The following PLXNA4 variants were observed in gnomAD, a reference collection of about 807,000 sequenced individuals.
The protein encoded by PLXNA4 is plexin-A4.
In PLXNA4, 44 loss-of-function variants were observed where a neutral mutation model predicts 191.8. That is an observed-to-expected ratio of 0.23 (90% confidence interval 0.18 to 0.29). The LOEUF (loss-of-function observed/expected upper bound fraction) is 0.29. Ranked by LOEUF, PLXNA4 falls within the 10% of genes least tolerant of loss-of-function variation. PLXNA4 has a pLI of 1.00. For synonymous variants in PLXNA4, 1,082 were observed against 1,009.5 expected (o/e 1.07, Z -1.36); for missense variants, 1,800 against 2,488.8 (o/e 0.72, Z 5.89).
chr7:132,394,215 G>A (rs538300132), intron 3 of PLXNA4, among the ~76,000 whole-genome samples: 48 of 152,238 alleles, frequency 3.2e-4, no homozygotes, highest in African/African-American at 2.9e-4. Flanking sequence ...CCTCTGAAGC[G>A]GGGCCCAGCC....
chr7:132,584,110 C>T (rs1186724767), intron 2 of PLXNA4, among the ~76,000 whole-genome samples: 3 of 152,170 alleles, frequency 2.0e-5, no homozygotes, highest in Non-Finnish European at 2.9e-5. Context: ...CAGGTCAGCC[C>T]AGGCCTGCCC....
intron 1 of PLXNA4, among the ~76,000 whole-genome samples, chr7:132,568,515 T>C (rs1014915646): frequency 6.6e-6 from 1 of 152,170 alleles, no homozygotes; most frequent in Non-Finnish European, 1.5e-5. Flanking sequence ...TGGAAACCAT[T>C]ATCCCAGACT....
chr7:132,180,772 A>C, intron 18 of PLXNA4, 40 bp from the exon 19 acceptor site: 1 of 1,590,588 alleles, frequency 6.3e-7, no homozygotes, highest in East Asian at 2.3e-5. Context: ...CCCCAGAGTG[A>C]GGACCACAGC....
chr7:132,307,391 G>A (rs1481702551), intron 3 of PLXNA4, among the ~76,000 whole-genome samples: 4 of 152,162 alleles, frequency 2.6e-5, no homozygotes, highest in African/African-American at 7.2e-5. Flanking sequence ...TACACACCAC[G>A]GGAGCAGAAA....
intron 2 of PLXNA4, among the ~76,000 whole-genome samples, chr7:132,644,406 A>T (rs988559912): frequency 1.3e-5 from 2 of 152,214 alleles, no homozygotes; most frequent in Admixed American, 1.3e-4. Flanking sequence ...CAAAGCAAAC[A>T]ATAGACTTGG....
intron 1 of PLXNA4, among the ~76,000 whole-genome samples, chr7:132,519,445 G>A (rs555251615): frequency 6.6e-6 from 1 of 152,290 alleles, no homozygotes; most frequent in South Asian, 2.1e-4. Context: ...GACCTGAGTG[G>A]ACCTTGGGAA....
chr7:132,132,177 C>A (rs1011742972), intron 31 of PLXNA4, among the ~76,000 whole-genome samples: 2 of 152,230 alleles, frequency 1.3e-5, no homozygotes, highest in African/African-American at 4.8e-5. Context: ...TGCCCCTGCA[C>A]ATGCCTGTGT....
chr7:132,149,252 A>C (rs1795524572), intron 25 of PLXNA4, among the ~76,000 whole-genome samples: 1 of 152,192 alleles, frequency 6.6e-6, no homozygotes, highest in Admixed American at 6.5e-5. Context: ...AAATGATATC[A>C]ACGTTGTAAT....
intron 3 of PLXNA4, among the ~76,000 whole-genome samples, chr7:132,342,148 C>T (rs1156984728): frequency 6.6e-6 from 1 of 151,380 alleles, no homozygotes; most frequent in Admixed American, 6.6e-5. Context: ...ACTATTCTTC[C>T]TTCCCACAAC....
intron 3 of PLXNA4, among the ~76,000 whole-genome samples, chr7:132,332,016 G>T (rs1802607639): frequency 6.6e-6 from 1 of 152,168 alleles, no homozygotes; most frequent in African/African-American, 2.4e-5. Flanking sequence ...TATCATCTAT[G>T]TAAAATGCAA....
At chr7:132,134,370 C>T (rs1795054000) in intron 30 of PLXNA4, among the ~76,000 whole-genome samples, 2 of 152,212 alleles carry the variant, frequency 1.3e-5, no homozygotes, top group African/African-American at 4.8e-5. Context: ...TGGGTGAAGA[C>T]TGGCAGAGAT....
chr7:132,453,536 C>A (rs377389562), intron 3 of PLXNA4, among the ~76,000 whole-genome samples: 2 of 142,212 alleles, frequency 1.4e-5, no homozygotes, highest in Non-Finnish European at 3.2e-5. Flanking sequence ...GCATCCTTTG[C>A]CCACAGTGAG....
At chr7:132,566,870 G>A (rs748249926) in intron 1 of PLXNA4, among the ~76,000 whole-genome samples, 77 of 152,180 alleles carry the variant, frequency 5.1e-4, no homozygotes, top group Non-Finnish European at 9.8e-4. Context: ...AAGGACAAGA[G>A]GCAGGCGGTG....
chr7:132,329,369 C>T (rs888775682), intron 3 of PLXNA4, among the ~76,000 whole-genome samples: 1 of 152,166 alleles, frequency 6.6e-6, no homozygotes, highest in Admixed American at 6.5e-5. Flanking sequence ...ATTTTTATAT[C>T]TTTATGTGTG....
Position 132,521,262 on chromosome 7 carries a change from G to A in PLXNA4, c.-86-12483C>T, listed in dbSNP as rs184751234. 3.8e-4 allele frequency among the ~76,000 whole-genome samples: 58 copies of A among 151,850 alleles called. 1 individual carries two copies. The East Asian group carries it at 0.011, about 29-fold the overall frequency. On this transcript the variant is annotated intron_variant, in intron 1 of 31. Transcript: ENST00000321063. The stretch of plus-strand genomic sequence containing the variant: ...CACTACTACCTGAGAATATGTAAGG[G>A]GGTAGCAGAATAGAGGATTTTAGGA...
intron 3 of PLXNA4, among the ~76,000 whole-genome samples, chr7:132,375,615 C>A (rs979813431): frequency 1.3e-5 from 2 of 152,096 alleles, no homozygotes; most frequent in Admixed American, 6.6e-5. Flanking sequence ...TGCTAGAGGA[C>A]CCAGTAGCAG....
chr7:132,405,271 C>T (rs1465376771), intron 3 of PLXNA4, among the ~76,000 whole-genome samples: 1 of 152,150 alleles, frequency 6.6e-6, no homozygotes, highest in Non-Finnish European at 1.5e-5. Context: ...AAATGGGCTA[C>T]CGCAATGCCG....
chr7:132,596,904 AT>A (rs1730730951), intron 2 of PLXNA4, among the ~76,000 whole-genome samples: 1 of 150,534 alleles, frequency 6.6e-6, no homozygotes, highest in Non-Finnish European at 1.5e-5. Context: ...TTTTAAAATG[AT>A]TCACCTCCTC....
At chr7:132,454,850 G>A (rs761133994) in intron 3 of PLXNA4, among the ~76,000 whole-genome samples, 46 of 152,106 alleles carry the variant, frequency 3.0e-4, no homozygotes, top group Middle Eastern at 3.2e-3. Context: ...CCAGGAGAGC[G>A]AAGGAATAAA....
Sources: gnomAD v4.1 joint callset for allele counts (sites outside exome capture counted in the v4.1 genomes callset) on GRCh38, gnomAD v4.1.1 for gene constraint, MANE v1.5 for transcripts, NCBI Gene and HGNC (gene_info 2026-07-23, HGNC 2026-07-21) for gene names.